The following VPS13B variants were observed in gnomAD, a reference collection of about 807,000 sequenced individuals.
VPS13B encodes vacuolar protein sorting 13 homolog B.
Under a neutral mutation model 426.4 loss-of-function variants are expected in VPS13B, and 285 were observed. That is an observed-to-expected ratio of 0.67 (90% CI 0.61 to 0.74). The LOEUF is 0.74. VPS13B is among the 30% of genes least tolerant of loss of function. VPS13B has a pLI of 0.00. For synonymous variants in VPS13B, 1,676 were observed against 1,676.4 expected (o/e 1.00, Z 0.01); for missense variants, 4,537 against 4,782.6 (o/e 0.95, Z 1.51).
At chr8:99,807,454 C>G (rs563777083) in intron 43 of VPS13B, among the ~76,000 whole-genome samples, 1 of 150,322 alleles carries the variant, frequency 6.7e-6, no homozygotes, top group Non-Finnish European at 1.5e-5. Flanking sequence ...AGCTACTAGT[C>G]TGTCCAAAGA....
chr8:99,547,424 C>CT (rs1373106461), intron 30 of VPS13B, among the ~76,000 whole-genome samples: 3 of 151,924 alleles, frequency 2.0e-5, no homozygotes, highest in Admixed American at 6.6e-5. Flanking sequence ...AGTTTTACTT[C>CT]TTTTTCATTC....
chr8:99,027,356 A>C (rs1248198485), intron 2 of VPS13B, among the ~76,000 whole-genome samples: 2 of 147,680 alleles, frequency 1.4e-5, no homozygotes, highest in African/African-American at 2.5e-5. Context: ...TTCCTTCCTT[A>C]CTTTCCTATT....
intron 13 of VPS13B, 22 bp from the exon 14 acceptor site, chr8:99,147,818 AT>A (rs775575622): frequency 1.4e-6 from 2 of 1,385,768 alleles, no homozygotes; most frequent in Admixed American, 2.4e-5. Context: ...TTCTTTATTA[AT>A]TTTTTATCAT....
intron 39 of VPS13B, among the ~76,000 whole-genome samples, chr8:99,728,377 G>A (rs1039718253): frequency 6.6e-6 from 1 of 152,172 alleles, no homozygotes; most frequent in African/African-American, 2.4e-5. Context: ...TACCTTAAGA[G>A]TTATGAGGAG....
At chr8:99,014,616 C>T (rs1181668799) in intron 2 of VPS13B, among the ~76,000 whole-genome samples, 1 of 149,362 alleles carries the variant, frequency 6.7e-6, no homozygotes, top group Admixed American at 6.8e-5. Context: ...CATTCTCATT[C>T]TCCTTTTTGG....
At chr8:99,247,011 G>T (rs992423648) in intron 17 of VPS13B, among the ~76,000 whole-genome samples, 2 of 152,082 alleles carry the variant, frequency 1.3e-5, no homozygotes, top group African/African-American at 4.8e-5. Context: ...TTTGAGGGCA[G>T]GCACTATATT....
In VPS13B at chr8:99,871,440, T is replaced by C; in HGVS notation, c.11496-8T>C. On this transcript the variant is annotated splice_polypyrimidine_tract_variant and splice_region_variant and intron_variant, in intron 60 of 61. Transcript: ENST00000357162. ...GGCCCCTGGCCTCACTTTTCTCCTT[T>C]TAAACAGGAAAATGCTTCAGTCTCT... 6.2e-7 allele frequency: 1 copy of C among 1,614,154 alleles called. No individual in the cohort carries two copies.
chr8:99,487,525 C>T (rs1019308465), intron 25 of VPS13B, among the ~76,000 whole-genome samples: 13 of 152,086 alleles, frequency 8.5e-5, no homozygotes, highest in Non-Finnish European at 1.6e-4. Context: ...ACTCACAGTG[C>T]GTAGCATAAC....
At chr8:99,438,019 G>A (rs953488444) in intron 22 of VPS13B, among the ~76,000 whole-genome samples, 1 of 145,228 alleles carries the variant, frequency 6.9e-6, no homozygotes, top group Non-Finnish European at 1.5e-5. Context: ...ACATGTACTA[G>A]CATTTTCTTT....
chr8:99,328,976 A>G (rs1810420937), intron 19 of VPS13B, among the ~76,000 whole-genome samples: 1 of 152,110 alleles, frequency 6.6e-6, no homozygotes, highest in African/African-American at 2.4e-5. Context: ...CCCCCTAGTT[A>G]TTAGATTAAG....
intron 2 of VPS13B, among the ~76,000 whole-genome samples, chr8:99,028,755 G>A (rs1305299502): frequency 4.1e-4 from 52 of 127,680 alleles, no homozygotes; most frequent in Non-Finnish European, 4.4e-4. Context: ...GGGGCAACTG[G>A]CCGGGCAGAG....
intron 2 of VPS13B, among the ~76,000 whole-genome samples, chr8:99,015,928 C>G (rs1285041426): frequency 6.6e-5 from 10 of 152,142 alleles, no homozygotes; most frequent in Non-Finnish European, 1.2e-4. Flanking sequence ...CTCCCCACTC[C>G]TAAAAGAGGC....
At chr8:99,214,115 T>G (rs995446288) in intron 17 of VPS13B, among the ~76,000 whole-genome samples, 2 of 152,218 alleles carry the variant, frequency 1.3e-5, no homozygotes, top group African/African-American at 4.8e-5. Context: ...ACCACTTGTC[T>G]CAACTTTTGC....
chr8:99,593,806 A>T (rs917200077), intron 33 of VPS13B, among the ~76,000 whole-genome samples: 1 of 152,058 alleles, frequency 6.6e-6, no homozygotes, highest in Non-Finnish European at 1.5e-5. Context: ...CTAATACAAG[A>T]ATAGAAAACC....
Position 99,035,998 on chromosome 8 carries a change from T to C in VPS13B, c.148-2425T>C, listed in dbSNP as rs2132214439. 2.6e-5 allele frequency among the ~76,000 whole-genome samples: 4 copies of C among 152,318 alleles called. 1 individual carries two copies. The highest frequency in any genetic ancestry group is 2.6e-4 in the Admixed American group (4 of 15,300). On this transcript the variant is annotated intron_variant, in intron 2 of 61. Coordinates refer to ENST00000357162, the MANE Select transcript of VPS13B (RefSeq NM_152564.5). The stretch of plus-strand genomic sequence containing the variant: ...CTTTGTCCATTTTAAAATAGAATTA[T>C]TGTTATTTTGTTGTTGATTAGTCAT...
chr8:99,601,264 C>A (rs558207298), intron 33 of VPS13B, among the ~76,000 whole-genome samples: 1 of 152,096 alleles, frequency 6.6e-6, no homozygotes, highest in South Asian at 2.1e-4. Flanking sequence ...GTTTTCTGTT[C>A]TTGTGTTAGT....
At chr8:99,347,167 C>T (rs1423741188) in intron 19 of VPS13B, 2 of 152,548 alleles carry the variant, frequency 1.3e-5, no homozygotes, top group East Asian at 1.9e-4. Context: ...AGCCCATGAG[C>T]TAGCACTTGC....
At chr8:99,841,537 A>G (rs76606270) in intron 54 of VPS13B, among the ~76,000 whole-genome samples, 2 of 152,208 alleles carry the variant, frequency 1.3e-5, no homozygotes, top group African/African-American at 2.4e-5. Flanking sequence ...CTAAAGGTAT[A>G]GTCATTAGTC....
intron 19 of VPS13B, among the ~76,000 whole-genome samples, chr8:99,381,611 G>C (rs1196870411): frequency 1.3e-5 from 2 of 152,138 alleles, no homozygotes; most frequent in Non-Finnish European, 2.9e-5. Context: ...TCTGGTGTGA[G>C]ATGGCATCTC....
Sources: gnomAD v4.1 joint callset for allele counts (sites outside exome capture counted in the v4.1 genomes callset) on GRCh38, gnomAD v4.1.1 for gene constraint, MANE v1.5 for transcripts, NCBI Gene and HGNC (gene_info 2026-07-23, HGNC 2026-07-21) for gene names.